The following STXBP4 variants were observed in gnomAD, a reference collection of about 807,000 sequenced individuals.
STXBP4 encodes the protein syntaxin-binding protein 4.
A neutral mutation model predicts 76.1 loss-of-function variants in STXBP4; 55 were observed. The ratio of observed to expected loss-of-function variants is 0.72; its 90% CI spans 0.58 to 0.91. STXBP4 has a LOEUF of 0.91. Among genes scored for constraint, STXBP4 ranks in the 40% least tolerant of loss-of-function variants. The pLI, the probability that STXBP4 is intolerant of heterozygous loss-of-function variation, is 0.00. For missense variants in STXBP4, 618 were observed against 636.9 expected, an observed-to-expected ratio of 0.97 and a Z score of 0.32; for synonymous variants, 201 against 220.2, an observed-to-expected ratio of 0.91 and a Z score of 0.77.
rs367951826 is a variant in STXBP4, at chr17:55,049,528, A to C, written c.1011+2374A>C. Among the ~76,000 whole-genome samples the C allele has an allele frequency of 6.6e-5, 10 of 152,122 alleles. No individual in the cohort carries two copies. In the East Asian group the frequency reaches 1.7e-3, roughly 26 times the overall value. ...AAATATTTAAAACTGATATCAGATA[A>C]AAATTAGGTAAAAATAGAGGAGATA... On this transcript the variant is annotated intron_variant, in intron 12 of 17. Transcript: ENST00000376352.
At chr17:55,178,442 A>T (rs895652782), downstream of STXBP4, among the ~76,000 whole-genome samples, 15 of 152,242 alleles carry the variant, frequency 9.9e-5, no homozygotes, top group Non-Finnish European at 1.9e-4. Flanking sequence ...CATCTGCAGA[A>T]TGCAAATATC....
chr17:55,080,442 T>A (rs2079241738), intron 15 of STXBP4, among the ~76,000 whole-genome samples: 1 of 152,198 alleles, frequency 6.6e-6, no homozygotes, highest in Non-Finnish European at 1.5e-5. Flanking sequence ...GTCATCAGTT[T>A]AAATTTTTTT....
intron 16 of STXBP4, among the ~76,000 whole-genome samples, chr17:55,129,208 G>A (rs971333308): frequency 3.3e-5 from 5 of 152,090 alleles, no homozygotes; most frequent in African/African-American, 4.8e-5. Flanking sequence ...GATTATAGGC[G>A]TGAGCCACCG....
chr17:55,211,546 C>G, the STXBP4 span, among the ~76,000 whole-genome samples: 1 of 152,098 alleles, frequency 6.6e-6, no homozygotes, highest in African/African-American at 2.4e-5. Flanking sequence ...GCTTTCCATT[C>G]TGTTCCACTT....
intron 11 of STXBP4, 152 bp downstream of exon 11, chr17:55,043,477 T>A: frequency 3.8e-6 from 3 of 794,134 alleles, no homozygotes; most frequent in Non-Finnish European, 3.8e-6. Context: ...TTTATTCAGT[T>A]GGCCTTTAGA....
intron 1 of STXBP4, among the ~76,000 whole-genome samples, chr17:54,980,633 C>G (rs2077537210): frequency 6.6e-6 from 1 of 152,218 alleles, no homozygotes; most frequent in African/African-American, 2.4e-5. Flanking sequence ...TGCAGCTAAT[C>G]AGAAGTACTT....
chr17:55,134,895 A>G (rs770434281), intron 16 of STXBP4, among the ~76,000 whole-genome samples: 6 of 152,008 alleles, frequency 3.9e-5, no homozygotes, highest in Admixed American at 6.6e-5. Context: ...CTGCTGGGGA[A>G]ATCCCACATT....
rs551386803 is a variant in STXBP4, at chr17:55,172,257, A to G, written c.*12346A>G. ...GGTAGCACATTAGAAACACCTGGAG[A>G]GATTTTAAAATTTACAAAGCCTAGC... On this transcript the variant is annotated 3_prime_UTR_variant, in exon 18 of 18. Coordinates refer to ENST00000376352, the MANE Select transcript of STXBP4 (RefSeq NM_178509.6). 4.6e-5 allele frequency: 7 copies of G among 152,328 alleles called. No homozygotes were observed. The highest frequency in any genetic ancestry group is 8.8e-5 in the Non-Finnish European group (6 of 68,066). The allele number at this position is 152,328 out of a possible 1,614,324, so 9.4% of individuals were successfully genotyped here. A position where few individuals can be genotyped will look rare whatever the true frequency, so the allele number is the denominator to read the frequency against.
At chr17:55,009,134 A>T (rs2078059012) in intron 8 of STXBP4, among the ~76,000 whole-genome samples, 2 of 152,162 alleles carry the variant, frequency 1.3e-5, no homozygotes, top group Admixed American at 6.5e-5. Context: ...TTCGTGCTCC[A>T]TAAAATTTTC....
chr17:55,145,418 A>G (rs2080141388), intron 17 of STXBP4, among the ~76,000 whole-genome samples: 1 of 152,170 alleles, frequency 6.6e-6, no homozygotes, highest in South Asian at 2.1e-4. Context: ...TATACACATA[A>G]TCTCTTCCTG....
intron 16 of STXBP4, among the ~76,000 whole-genome samples, chr17:55,081,755 T>C (rs991672333): frequency 6.6e-6 from 1 of 152,252 alleles, no homozygotes; most frequent in East Asian, 1.9e-4. Context: ...TATCCTCCTA[T>C]GCTGGAGCCA....
chr17:55,185,245 TCTTCTCCTTCTC>T, the STXBP4 span, among the ~76,000 whole-genome samples: 59 of 57,964 alleles, frequency 1.0e-3, 1 homozygote, highest in South Asian at 2.0e-3. Context: ...TTCTTCTTCT[TCTTCTCCTTCTC>T]CTTCTCCTTC....
chr17:55,087,156 G>T (rs1020190171), intron 16 of STXBP4, among the ~76,000 whole-genome samples: 1 of 152,098 alleles, frequency 6.6e-6, no homozygotes, highest in Admixed American at 6.6e-5. Context: ...TGAGTTCCTT[G>T]TGTATTCTGA....
At chr17:55,055,207 A>G (rs1487002261) in intron 12 of STXBP4, among the ~76,000 whole-genome samples, 2 of 152,210 alleles carry the variant, frequency 1.3e-5, no homozygotes, top group African/African-American at 4.8e-5. Context: ...TGAAGCTGTT[A>G]GGAAATGACA....
chr17:54,984,161 G>A (rs1332152448), intron 1 of STXBP4, among the ~76,000 whole-genome samples: 1 of 151,998 alleles, frequency 6.6e-6, no homozygotes, highest in Non-Finnish European at 1.5e-5. Context: ...AGTTGGCTCT[G>A]TGTTTGGGGC....
chr17:54,981,720 G>A (rs1254685467), intron 1 of STXBP4, among the ~76,000 whole-genome samples: 1 of 151,978 alleles, frequency 6.6e-6, no homozygotes, highest in African/African-American at 2.4e-5. Flanking sequence ...ACAAACTTTT[G>A]TGTAACAAAA....
At chr17:55,037,827 C>T (rs565666236) in intron 10 of STXBP4, among the ~76,000 whole-genome samples, 66 of 152,234 alleles carry the variant, frequency 4.3e-4, no homozygotes, top group Non-Finnish European at 8.1e-4. Flanking sequence ...TTTCACGATT[C>T]GCTAATGGGT....
intron 16 of STXBP4, among the ~76,000 whole-genome samples, chr17:55,105,046 T>C (rs901369394): frequency 5.3e-5 from 8 of 152,196 alleles, no homozygotes; most frequent in African/African-American, 1.9e-4. Context: ...GTGGTCTATC[T>C]ATTTTGTTAA....
chr17:55,177,079 T>A (rs1298142858), downstream of STXBP4, among the ~76,000 whole-genome samples: 2 of 152,182 alleles, frequency 1.3e-5, no homozygotes, highest in Non-Finnish European at 2.9e-5. Context: ...CTCCTGGAAC[T>A]TCTTAGCCTC....
Sources: gnomAD v4.1 joint callset for allele counts (sites outside exome capture counted in the v4.1 genomes callset) on GRCh38, gnomAD v4.1.1 for gene constraint, MANE v1.5 for transcripts, NCBI Gene and HGNC (gene_info 2026-07-23, HGNC 2026-07-21) for gene names.